Variants in USH2A observed in about 807,000 individuals in gnomAD.
USH2A encodes the protein usherin, also known as Usher syndrome 2A (autosomal recessive, mild).
In USH2A, 443 loss-of-function variants were observed where a neutral mutation model predicts 538.9. The ratio of observed to expected loss-of-function variants is 0.82; its 90% CI spans 0.76 to 0.89. The LOEUF is 0.89. Ranked by LOEUF, USH2A falls within the 40% of genes least tolerant of loss-of-function variation. The pLI is 0.00. For missense variants in USH2A, 6,633 were observed against 6,324.8 expected (o/e 1.05, Z -1.65); for synonymous variants, 2,413 against 2,273.5 (o/e 1.06, Z -1.75).
At chr1:216,289,555 A>G (rs558389441) in intron 10 of USH2A, 145 bp from the exon 11 acceptor site, 8 of 1,067,396 alleles carry the variant, frequency 7.5e-6, no homozygotes, top group South Asian at 6.7e-5. Flanking sequence ...CTACCTGCCA[A>G]TTTAGTGATC....
rs186422958 is a variant in USH2A at position 215,799,678 on chromosome 1, A to C, written c.9740-553T>G. ...ATTTCTCTTCACATGACAGTCTGGG[A>C]AATTTGGGATAAGAATAAGATAATC... On this transcript the variant is annotated intron_variant, in intron 49 of 71. Transcript: ENST00000307340. Among the ~76,000 whole-genome samples the C allele has an allele frequency of 1.5e-3, 227 of 152,208 alleles. 1 individual carries two copies. Among genetic ancestry groups the C allele is most frequent in the African/African-American group, 5.1e-3 (213 of 41,510 alleles).
chr1:215,796,204 T>C (rs1662129976), intron 50 of USH2A, among the ~76,000 whole-genome samples: 1 of 152,136 alleles, frequency 6.6e-6, no homozygotes, highest in South Asian at 2.1e-4. Flanking sequence ...TATAGTAGTT[T>C]AGTATCACAG....
chr1:216,275,401 AT>A (rs1322284727), intron 11 of USH2A, among the ~76,000 whole-genome samples: 1 of 152,084 alleles, frequency 6.6e-6, no homozygotes, highest in Non-Finnish European at 1.5e-5. Context: ...GAATAAATGT[AT>A]TTTCCATGTC....
intron 4 of USH2A, among the ~76,000 whole-genome samples, chr1:216,360,059 T>C (rs2038462283): frequency 6.6e-6 from 1 of 152,134 alleles, no homozygotes; most frequent in African/African-American, 2.4e-5. Flanking sequence ...AATTGCGCTC[T>C]TTGGTATTTA....
At chr1:215,953,455 A>C (rs1436910716) in intron 37 of USH2A, among the ~76,000 whole-genome samples, 2 of 152,150 alleles carry the variant, frequency 1.3e-5, no homozygotes, top group Non-Finnish European at 2.9e-5. Flanking sequence ...CAAAAACAAG[A>C]AATGGGGAAA....
chr1:215,815,133 T>G (rs560087045), intron 48 of USH2A, among the ~76,000 whole-genome samples: 1 of 152,048 alleles, frequency 6.6e-6, no homozygotes, highest in East Asian at 1.9e-4. Context: ...TTTTTTGAAA[T>G]TTAACTGACA....
intron 21 of USH2A, among the ~76,000 whole-genome samples, chr1:216,100,167 C>G (rs1401422049): frequency 6.6e-6 from 1 of 152,128 alleles, no homozygotes; most frequent in African/African-American, 2.4e-5. Flanking sequence ...ACTTACGGAG[C>G]TGGTAATGAC....
Position 215,674,527 on chromosome 1 carries a change from T to A in USH2A, c.13384A>T (p.Ile4462Phe). The change falls in exon 63 of 72, where the codon ATC (isoleucine) becomes TTC (phenylalanine). Residue 4462 changes from isoleucine to phenylalanine, a missense_variant. Physicochemically the swap from Ile to Phe is conservative, Grantham distance 21. Coordinates refer to ENST00000307340, the MANE Select transcript of USH2A (RefSeq NM_206933.4). ...GGGTTTCTTGGAGGTTTCCAGGTGATTTCTATTGATTCTGAGCCTGTGACT... is the reference window on the plus strand; with the variant it reads ...GGGTTTCTTGGAGGTTTCCAGGTGAATTCTATTGATTCTGAGCCTGTGACT... ...LQVTGSESIE[I>F]TWKPPRNPNG... 1 of 1,614,176 alleles carries A rather than the reference T, an allele frequency of 6.2e-7. No homozygotes were observed. The highest frequency in any genetic ancestry group is 8.5e-7 in the Non-Finnish European group (1 of 1,180,020).
intron 32 of USH2A, among the ~76,000 whole-genome samples, chr1:216,018,413 C>T (rs1185121654): frequency 6.6e-6 from 1 of 152,184 alleles, no homozygotes; most frequent in Non-Finnish European, 1.5e-5. Flanking sequence ...AGGGCCTCCC[C>T]TCAATGGAGG....
chr1:216,403,532 TAAAG>T (rs2039342599), intron 3 of USH2A, among the ~76,000 whole-genome samples: 2 of 152,140 alleles, frequency 1.3e-5, no homozygotes, highest in South Asian at 2.1e-4. Context: ...TTCCAACAAA[TAAAG>T]AATTTCCAGA....
Position 216,339,275 on chromosome 1 carries a change from CAT to C in USH2A, c.785-11623_785-11622del, listed in dbSNP as rs925508699. Among the ~76,000 whole-genome samples the C allele has an allele frequency of 4.1e-3, 614 of 150,782 alleles. 4 individuals are homozygous for C. The highest frequency in any genetic ancestry group is 0.014 in the African/African-American group (580 of 41,266). On this transcript the variant is annotated intron_variant, in intron 4 of 71. Coordinates refer to ENST00000307340, the MANE Select transcript of USH2A (RefSeq NM_206933.4). ...TATACTCTGTATTTTTATATATGTG[CAT>C]ATATATATATGAGCACTTACATAAA...
intron 11 of USH2A, among the ~76,000 whole-genome samples, chr1:216,264,364 C>G (rs1265592120): frequency 6.6e-6 from 1 of 151,884 alleles, no homozygotes; most frequent in Non-Finnish European, 1.5e-5. Context: ...ATGGCACAGT[C>G]TTGGCTCACT....
chr1:216,051,535 C>T (rs764348641), intron 30 of USH2A, among the ~76,000 whole-genome samples: 31 of 152,310 alleles, frequency 2.0e-4, no homozygotes, highest in Non-Finnish European at 3.8e-4. Context: ...TAGTATAACG[C>T]CATGCTAACA....
At chr1:216,293,161 A>C (rs952811438) in intron 9 of USH2A, among the ~76,000 whole-genome samples, 1 of 151,840 alleles carries the variant, frequency 6.6e-6, no homozygotes, top group African/African-American at 2.4e-5. Context: ...AGTAGCTGAG[A>C]CTACAGGCGC....
intron 58 of USH2A, 36 bp from the exon 59 acceptor site, chr1:215,743,371 C>CATAT (rs376081393): frequency 0.021 from 8,231 of 401,006 alleles, 272 homozygotes; most frequent in Non-Finnish European, 0.023. Context: ...ACATTAAAAA[C>CATAT]ATATATATAT....
At position 216,292,215 on chromosome 1, in the gene USH2A, C is replaced by A. The variant is rs762278625; in HGVS notation, c.1800G>T (p.Gly600=). 5.0e-6 allele frequency: 8 copies of A among 1,613,990 alleles called. No homozygotes were observed. The highest frequency in any genetic ancestry group is 5.9e-6 in the Non-Finnish European group (7 of 1,179,986). The change falls in exon 10 of 72, where the codon GGG becomes GGT. Residue 600 remains glycine, a synonymous_variant. Coordinates refer to ENST00000307340, the MANE Select transcript of USH2A (RefSeq NM_206933.4). ...VDPFPFEHFR[G]GGGVCDDCEH... ...CACAATCATCACAAACTCCTCCTCC[C>A]CCTCTGAAGTGCTCAAAAGGAAATG...
intron 21 of USH2A, among the ~76,000 whole-genome samples, chr1:216,173,116 G>A (rs944527550): frequency 1.3e-5 from 2 of 152,120 alleles, no homozygotes; most frequent in Non-Finnish European, 2.9e-5. Flanking sequence ...AATGTAAGAT[G>A]CTAATTATAT....
chr1:215,884,732 C>T (rs953540480), intron 41 of USH2A, among the ~76,000 whole-genome samples: 17 of 152,152 alleles, frequency 1.1e-4, no homozygotes, highest in Non-Finnish European at 7.3e-5. Context: ...ATGATTAAGA[C>T]TCAACTTCTT....
At chr1:216,276,683 C>T (rs866758168) in intron 11 of USH2A, among the ~76,000 whole-genome samples, 49 of 152,026 alleles carry the variant, frequency 3.2e-4, no homozygotes, top group African/African-American at 1.2e-3. Context: ...GCTGGGGAGG[C>T]CTCACAATCA....
Sources: allele counts gnomAD v4.1 joint callset (sites outside exome capture counted in the v4.1 genomes callset), GRCh38; gene constraint gnomAD v4.1.1; transcripts MANE v1.5; gene names NCBI Gene and HGNC (gene_info 2026-07-23, HGNC 2026-07-21).